Variants in NBAS observed in about 807,000 individuals in gnomAD.
NBAS encodes the protein NBAS subunit of NRZ tethering complex.
Under a neutral mutation model 302.5 loss-of-function variants are expected in NBAS, and 219 were observed. The ratio of observed to expected loss-of-function variants is 0.72; its 90% confidence interval spans 0.65 to 0.81. The LOEUF is 0.81. Among genes scored for constraint, NBAS ranks in the 30% least tolerant of loss-of-function variants. The pLI is 0.00. For missense variants in NBAS, 2,932 were observed against 2,841.6 expected (o/e 1.03, Z -0.72); for synonymous variants, 1,118 against 1,021.6 (o/e 1.09, Z -1.80).
intron 51 of NBAS, among the ~76,000 whole-genome samples, chr2:15,170,696 C>T (rs10179288): frequency 0.29 from 43,329 of 151,966 alleles, 6,700 homozygotes; most frequent in African/African-American, 0.41. Flanking sequence ...GTCAGCTGCA[C>T]GGAAAATACT....
intron 48 of NBAS, among the ~76,000 whole-genome samples, chr2:15,215,936 T>C (rs1445246490): frequency 6.6e-6 from 1 of 152,196 alleles, no homozygotes; most frequent in Non-Finnish European, 1.5e-5. Flanking sequence ...TAAGAGACAA[T>C]TTAAACTATG....
chr2:15,519,735 G>C (rs1305179010), intron 9 of NBAS, among the ~76,000 whole-genome samples: 7 of 152,130 alleles, frequency 4.6e-5, no homozygotes, highest in African/African-American at 1.7e-4. Context: ...ATGAGCCACT[G>C]TATGCAGCCA....
At chr2:15,423,946 A>G (rs997709508) in intron 23 of NBAS, among the ~76,000 whole-genome samples, 1 of 152,254 alleles carries the variant, frequency 6.6e-6, no homozygotes, top group African/African-American at 2.4e-5. Flanking sequence ...CTGAAAGGCA[A>G]AGTTACAATC....
chr2:15,266,988 C>T (rs1669106624), intron 44 of NBAS, among the ~76,000 whole-genome samples: 1 of 152,160 alleles, frequency 6.6e-6, no homozygotes, highest in Non-Finnish European at 1.5e-5. Context: ...CAGAGAGATC[C>T]TGTGTAGCTA....
the NBAS span, among the ~76,000 whole-genome samples, chr2:15,135,744 T>C: frequency 6.6e-6 from 1 of 151,824 alleles, no homozygotes; most frequent in Admixed American, 6.6e-5. Flanking sequence ...CTTCAGGCCA[T>C]AGAAATACAC....
intron 50 of NBAS, among the ~76,000 whole-genome samples, chr2:15,181,407 T>A (rs924399994): frequency 2.6e-5 from 4 of 152,188 alleles, no homozygotes; most frequent in Non-Finnish European, 5.9e-5. Context: ...TAGCTACCAG[T>A]GATTGGCCAA....
Position 15,498,395 on chromosome 2 carries a change from C to T in NBAS, c.954+5750G>A, listed in dbSNP as rs369566531. On this transcript the variant is annotated intron_variant, in intron 11 of 51. Transcript: ENST00000281513. The stretch of plus-strand genomic sequence containing the variant: ...AAATATTTATACATACATACAGTGT[C>T]TGGCATACAAACATTTAAAATGGGA... Among the ~76,000 whole-genome samples the T allele has an allele frequency of 1.1e-4, 17 of 152,310 alleles. No individual in the cohort carries two copies. The South Asian group carries it at 2.1e-3, about 19-fold the overall frequency.
chr2:15,021,246 A>AT, the NBAS span, among the ~76,000 whole-genome samples: 1 of 151,910 alleles, frequency 6.6e-6, no homozygotes, highest in Non-Finnish European at 1.5e-5. Context: ...GTCTAAAAAA[A>AT]AAATTGTTGA....
At chr2:14,998,549 A>G in the NBAS span, among the ~76,000 whole-genome samples, 1 of 152,226 alleles carries the variant, frequency 6.6e-6, no homozygotes, top group Non-Finnish European at 1.5e-5. Flanking sequence ...TGCTACTGCA[A>G]TGGTGAGGAG....
rs1353930929 is a variant in NBAS, at chr2:15,238,695, A to G, written c.5725-9T>C. On this transcript the variant is annotated splice_polypyrimidine_tract_variant and intron_variant, in intron 44 of 51. Coordinates refer to ENST00000281513, the MANE Select transcript of NBAS (RefSeq NM_015909.4). ...CGGGCTTCCACAGACAGCTTAAAAA[A>G]AAGAATAGTGAGACCAAAGAACCCT... 1 of 1,463,044 alleles carries G rather than the reference A, an allele frequency of 6.8e-7. No homozygotes were observed. The highest frequency in any genetic ancestry group is 1.2e-5 in the South Asian group (1 of 86,308). 90.6% of individuals were successfully genotyped at this position (1,463,044 alleles called of 1,614,324 possible). A position where few individuals can be genotyped will look rare whatever the true frequency, so the allele number is the denominator to read the frequency against.
In NBAS at chr2:15,386,556, T is replaced by C. The variant is rs552309175; in HGVS notation, c.3258-3239A>G. Reference sequence around the variant, plus strand: ...CGTAGTCTCCCTACAGATCTGGAATTTAACTGTCCCATACACACATGGGGA... The same window carrying C: ...CGTAGTCTCCCTACAGATCTGGAATCTAACTGTCCCATACACACATGGGGA... On this transcript the variant is annotated intron_variant, in intron 28 of 51. Coordinates refer to ENST00000281513, the MANE Select transcript of NBAS (RefSeq NM_015909.4). 5.2e-4 allele frequency among the ~76,000 whole-genome samples: 79 copies of C among 152,288 alleles called. 1 individual carries two copies. The highest frequency in any genetic ancestry group is 1.8e-3 in the African/African-American group (75 of 41,556).
rs1558459178 is a variant in NBAS, at chr2:15,232,480, C to T, written c.6178G>A (p.Asp2060Asn). 1 of 1,613,960 alleles carries T rather than the reference C, an allele frequency of 6.2e-7. No homozygotes were observed. Among genetic ancestry groups the T allele is most frequent in the African/African-American group, 1.3e-5 (1 of 75,034 alleles). The change falls in exon 47 of 52, where the codon GAC becomes AAC. Residue 2060 changes from aspartate (D) to asparagine (N), a missense_variant. Physicochemically the swap from Asp to Asn is conservative, Grantham distance 23. Coordinates refer to ENST00000281513, the MANE Select transcript of NBAS (RefSeq NM_015909.4). Reference sequence around the variant, plus strand: ...ACACCTTCCAGGACCTTCAGTGGGTCCCTTGGCCCACCAAGGTCAGCACTG... The same window carrying T: ...ACACCTTCCAGGACCTTCAGTGGGTTCCTTGGCCCACCAAGGTCAGCACTG... ...GGSADLGGPR[D>N]PLKVLEGVVA...
At chr2:15,022,003 T>C in the NBAS span, among the ~76,000 whole-genome samples, 887 of 152,228 alleles carry the variant, frequency 5.8e-3, 7 homozygotes, top group African/African-American at 0.021. Context: ...ACAACTGCTC[T>C]TAGGAACTAC....
At chr2:15,527,394 G>A (rs562475573) in intron 9 of NBAS, among the ~76,000 whole-genome samples, 4 of 152,254 alleles carry the variant, frequency 2.6e-5, no homozygotes, top group African/African-American at 4.8e-5. Context: ...AGTAATTTAT[G>A]AAGAACAGAA....
At chr2:15,239,964 T>C (rs1196033995) in intron 44 of NBAS, among the ~76,000 whole-genome samples, 1 of 152,150 alleles carries the variant, frequency 6.6e-6, no homozygotes, top group East Asian at 1.9e-4. Flanking sequence ...AACTTTGTGC[T>C]TTGTTGATGG....
the NBAS span, among the ~76,000 whole-genome samples, chr2:14,948,673 A>T: frequency 6.6e-6 from 1 of 152,238 alleles, no homozygotes; most frequent in South Asian, 2.1e-4. Context: ...TACCTAAAAC[A>T]ATTTATAGAT....
chr2:15,324,966 C>A (rs1426858932), intron 38 of NBAS, among the ~76,000 whole-genome samples: 1 of 152,120 alleles, frequency 6.6e-6, no homozygotes, highest in African/African-American at 2.4e-5. Context: ...GAAATATGCA[C>A]CTCTCAAGGG....
At chr2:14,971,774 T>C in the NBAS span, among the ~76,000 whole-genome samples, 5 of 152,318 alleles carry the variant, frequency 3.3e-5, no homozygotes, top group African/African-American at 1.2e-4. Flanking sequence ...ACTTCACATC[T>C]GAGTCTCAGC....
the NBAS span, among the ~76,000 whole-genome samples, chr2:14,787,781 A>C: frequency 2.0e-5 from 3 of 152,128 alleles, no homozygotes; most frequent in Non-Finnish European, 4.4e-5. Context: ...AACTTTGGTG[A>C]ATCTGACAAT....
Sources: gnomAD v4.1 joint callset for allele counts (sites outside exome capture counted in the v4.1 genomes callset) on GRCh38, gnomAD v4.1.1 for gene constraint, MANE v1.5 for transcripts, NCBI Gene and HGNC (gene_info 2026-07-23, HGNC 2026-07-21) for gene names.